The following DAPP1 variants were observed in gnomAD, a reference collection of about 807,000 sequenced individuals.
DAPP1 encodes dual adapter for phosphotyrosine and 3-phosphotyrosine and 3-phosphoinositide.
Under a neutral mutation model 41.5 loss-of-function variants are expected in DAPP1, and 20 were observed. The ratio of observed to expected loss-of-function variants is 0.48; its 90% confidence interval spans 0.34 to 0.70. The LOEUF (loss-of-function observed/expected upper bound fraction) is 0.70, where lower values mean the gene tolerates loss of function less well. Among genes scored for constraint, DAPP1 ranks in the 30% least tolerant of loss-of-function variants. The pLI is 0.01. For synonymous variants in DAPP1, 113 were observed against 116.2 expected (o/e 0.97, Z 0.18); for missense variants, 233 against 333.4 (o/e 0.70, Z 2.35).
At chr4:99,817,109 C>CT (rs1467825507) in intron 1 of DAPP1, 95 bp downstream of exon 1, 5 of 867,336 alleles carry the variant, frequency 5.8e-6, no homozygotes, top group Admixed American at 2.8e-5. Context: ...TCTTCAGTGC[C>CT]TTGTTGCCCT....
Position 99,853,327 on chromosome 4 carries a change from C to G in DAPP1, c.468C>G (p.Asp156Glu), listed in dbSNP as rs901853231. 3 of 1,610,236 alleles carry G rather than the reference C, an allele frequency of 1.9e-6. No individual in the cohort carries two copies. In the South Asian group the frequency reaches 3.3e-5, roughly 18 times the overall value. ...TGCAGACAGGAAGAACAGAAGATGA[C>G]CTTGTGCCCACAGCACCTTCTGTAA... ...TAMQTGRTED[D>E]LVPTAPSLGT... Residue 156 changes from aspartate (D) to glutamate (E), a missense_variant, in exon 4 of 9, where the codon GAC (aspartate) becomes GAG (glutamate). Coordinates refer to ENST00000512369, the MANE Select transcript of DAPP1 (RefSeq NM_014395.3).
intron 4 of DAPP1, among the ~76,000 whole-genome samples, chr4:99,854,464 C>A (rs1723975714): frequency 1.3e-5 from 2 of 152,292 alleles, no homozygotes; most frequent in Admixed American, 6.5e-5. Context: ...GTGTAACTTT[C>A]TATATCTGCA....
chr4:99,823,858 A>G (rs1015219150), intron 1 of DAPP1, among the ~76,000 whole-genome samples: 1 of 150,906 alleles, frequency 6.6e-6, no homozygotes, highest in Non-Finnish European at 1.5e-5. Flanking sequence ...GGAAGGAACA[A>G]GGGTAGAATC....
chr4:99,862,331 T>C (rs1724267377), intron 5 of DAPP1, among the ~76,000 whole-genome samples: 1 of 152,202 alleles, frequency 6.6e-6, no homozygotes, highest in Non-Finnish European at 1.5e-5. Flanking sequence ...CTGTTACTTC[T>C]TTTAACTGGG....
chr4:99,863,874 A>G lies in DAPP1; in HGVS notation c.686+19A>G. The G allele has an allele frequency of 6.6e-7, 1 of 1,513,322 alleles. No individual in the cohort carries two copies. Among genetic ancestry groups the G allele is most frequent in the Non-Finnish European group, 9.0e-7 (1 of 1,110,534 alleles). The allele number at this position is 1,513,322 out of a possible 1,614,324, so 93.7% of individuals were successfully genotyped here. On this transcript the variant is annotated intron_variant, in intron 7 of 8. Coordinates refer to ENST00000512369, the MANE Select transcript of DAPP1 (RefSeq NM_014395.3). ...GTTTTTGGTAAGTTGTTTTATAAAG[A>G]AAACGTTTTTTAATGTCTTCTTGCC... is the stretch of plus-strand genomic sequence containing the variant.
At chr4:99,867,533 G>T (rs559975614) in intron 8 of DAPP1, among the ~76,000 whole-genome samples, 1 of 152,202 alleles carries the variant, frequency 6.6e-6, no homozygotes, top group Non-Finnish European at 1.5e-5. Flanking sequence ...CTCCTACATT[G>T]CTAGAGGGAA....
At chr4:99,850,701 C>G (rs1339648581) in intron 3 of DAPP1, among the ~76,000 whole-genome samples, 2 of 152,268 alleles carry the variant, frequency 1.3e-5, no homozygotes, top group African/African-American at 4.8e-5. Flanking sequence ...GTAGTGATTA[C>G]TAGACTACCA....
At chr4:99,827,975 C>A (rs1722998479) in intron 1 of DAPP1, among the ~76,000 whole-genome samples, 1 of 151,312 alleles carries the variant, frequency 6.6e-6, no homozygotes, top group Non-Finnish European at 1.5e-5. Context: ...CTGCTGAAAG[C>A]CATCTACACA....
intron 1 of DAPP1, among the ~76,000 whole-genome samples, chr4:99,829,305 C>T (rs773563109): frequency 5.9e-5 from 9 of 151,898 alleles, no homozygotes; most frequent in Admixed American, 1.3e-4. Flanking sequence ...TATGGTGAAA[C>T]CCTGTCTCTA....
In DAPP1 at chr4:99,863,830, T is replaced by C. The variant is rs769693769; in HGVS notation, c.661T>C (p.Ser221Pro). 6.3e-7 allele frequency: 1 copy of C among 1,599,566 alleles called. No individual in the cohort carries two copies. Among genetic ancestry groups the C allele is most frequent in the East Asian group, 2.2e-5 (1 of 44,592 alleles). The change falls in exon 7 of 9, where the codon TCA (serine) becomes CCA (proline). Residue 221 changes from serine to proline, a missense_variant. Coordinates refer to ENST00000512369, the MANE Select transcript of DAPP1 (RefSeq NM_014395.3). ...ATGTTCAGCTGTACAATTCGATTAT[T>C]CACAAGAAAGGGTAAACTGTTTTTG... ...TECSAVQFDY[S>P]QERVNCFCLV...
At chr4:99,834,959 T>G (rs1723245013) in intron 1 of DAPP1, among the ~76,000 whole-genome samples, 1 of 151,968 alleles carries the variant, frequency 6.6e-6, no homozygotes, top group South Asian at 2.1e-4. Flanking sequence ...TGATTTTCCC[T>G]TTTTACAAGA....
chr4:99,824,918 C>A (rs1194652895), intron 1 of DAPP1, among the ~76,000 whole-genome samples: 1 of 152,134 alleles, frequency 6.6e-6, no homozygotes, highest in South Asian at 2.1e-4. Context: ...GGGGACCGAA[C>A]AGAAGGATCT....
chr4:99,868,310 A>T lies in DAPP1; in HGVS notation c.*125A>T. Reference sequence around the variant, plus strand: ...TTTCTTTCAAAAACAAATCAGAAGCAGATGCTGATTGGGACCCATATACCA... The same window carrying T: ...TTTCTTTCAAAAACAAATCAGAAGCTGATGCTGATTGGGACCCATATACCA... On this transcript the variant is annotated 3_prime_UTR_variant, in exon 9 of 9. Transcript: ENST00000512369. The T allele has an allele frequency of 4.6e-6, 4 of 869,204 alleles. No individual in the cohort carries two copies. The highest frequency in any genetic ancestry group is 5.5e-6 in the Non-Finnish European group (3 of 543,140). 53.8% of individuals were successfully genotyped at this position (869,204 alleles called of 1,614,324 possible). A position where few individuals can be genotyped will look rare whatever the true frequency, so the allele number is the denominator to read the frequency against.
intron 4 of DAPP1, among the ~76,000 whole-genome samples, chr4:99,855,973 GT>G (rs1321946340): frequency 6.6e-6 from 1 of 152,194 alleles, no homozygotes; most frequent in Non-Finnish European, 1.5e-5. Flanking sequence ...AGATGACTGT[GT>G]ATAACTGTTT....
intron 3 of DAPP1, among the ~76,000 whole-genome samples, chr4:99,841,414 C>T (rs886566033): frequency 1.3e-5 from 2 of 152,144 alleles, no homozygotes; most frequent in Non-Finnish European, 2.9e-5. Flanking sequence ...TTATACTGAC[C>T]ACACCAAGCC....
intron 3 of DAPP1, among the ~76,000 whole-genome samples, chr4:99,847,325 T>G (rs955094672): frequency 2.0e-5 from 3 of 152,200 alleles, no homozygotes; most frequent in African/African-American, 7.2e-5. Context: ...GTTCTTACTC[T>G]CTTTCTGAGT....
chr4:99,849,758 T>A (rs911687861), intron 3 of DAPP1, among the ~76,000 whole-genome samples: 1 of 152,066 alleles, frequency 6.6e-6, no homozygotes, highest in South Asian at 2.1e-4. Flanking sequence ...TCAAATAACT[T>A]TGGGGTGGGG....
chr4:99,859,275 T>C (rs1461670262), intron 4 of DAPP1, among the ~76,000 whole-genome samples: 2 of 152,116 alleles, frequency 1.3e-5, no homozygotes, highest in African/African-American at 4.8e-5. Context: ...GATCCAGACT[T>C]ATCTTGTTCT....
At chr4:99,842,619 A>G (rs970702900) in intron 3 of DAPP1, among the ~76,000 whole-genome samples, 12 of 152,254 alleles carry the variant, frequency 7.9e-5, no homozygotes, top group Non-Finnish European at 1.2e-4. Flanking sequence ...GGGAAACAAG[A>G]TAATGTGCTC....
Sources: allele counts gnomAD v4.1 joint callset (sites outside exome capture counted in the v4.1 genomes callset), GRCh38; gene constraint gnomAD v4.1.1; transcripts MANE v1.5; gene names NCBI Gene and HGNC (gene_info 2026-07-23, HGNC 2026-07-21).